The following SLC25A51 variants were observed in gnomAD, a reference collection of about 807,000 sequenced individuals.
SLC25A51 encodes the protein mitochondrial nicotinamide adenine dinucleotide transporter SLC25A51.
SLC25A51 carries 11 observed loss-of-function variants against 19.1 expected under a neutral mutation model. That is an observed-to-expected ratio of 0.58 (90% CI 0.36 to 0.96). The LOEUF is 0.96. Among genes scored for constraint, SLC25A51 ranks in the 40% least tolerant of loss-of-function variants. SLC25A51 has a pLI of 0.01. For missense variants in SLC25A51, 201 were observed against 365.4 expected (o/e 0.55, Z 3.67); for synonymous variants, 105 against 133.6 (o/e 0.79, Z 1.47).
At chr9:37,891,609 A>C (rs1831588018) in intron 2 of SLC25A51, among the ~76,000 whole-genome samples, 1 of 152,122 alleles carries the variant, frequency 6.6e-6, no homozygotes, top group African/African-American at 2.4e-5. Flanking sequence ...GGTTAAATGG[A>C]TTAAGGGCGG....
chr9:37,887,038 C>T (rs968634639), downstream of SLC25A51, among the ~76,000 whole-genome samples: 20 of 145,466 alleles, frequency 1.4e-4, no homozygotes, highest in African/African-American at 3.6e-4. Context: ...TGGGCGTAGC[C>T]GGGCACAGTG....
At chr9:37,902,440 C>G (rs1564072900) in intron 1 of SLC25A51, among the ~76,000 whole-genome samples, 1 of 152,174 alleles carries the variant, frequency 6.6e-6, no homozygotes, top group Non-Finnish European at 1.5e-5. Flanking sequence ...ATGAAACCCT[C>G]CTGGACTTTA....
At chr9:37,898,153 G>C (rs1310578039) in intron 2 of SLC25A51, among the ~76,000 whole-genome samples, 1 of 152,206 alleles carries the variant, frequency 6.6e-6, no homozygotes, top group Non-Finnish European at 1.5e-5. Flanking sequence ...GTTTACACCT[G>C]TAATCCCAGC....
At chr9:37,885,880 C>CA (rs200482049), downstream of SLC25A51, 4,289 of 1,593,556 alleles carry the variant, frequency 2.7e-3, 109 homozygotes, top group African/African-American at 0.051. Context: ...ACGTGCAAAC[C>CA]CCCCCCTCCC....
chr9:37,894,837 A>G (rs111427222), intron 2 of SLC25A51, among the ~76,000 whole-genome samples: 1,683 of 152,188 alleles, frequency 0.011, 37 homozygotes, highest in African/African-American at 0.039. Context: ...AGTTCACATC[A>G]TTTAGCTTCC....
In SLC25A51 at chr9:37,891,347, C is replaced by G. The variant is rs567733194; in HGVS notation, c.-42-2755G>C. Among the ~76,000 whole-genome samples, 486 of 152,298 alleles carry G rather than the reference C, an allele frequency of 3.2e-3. 5 individuals are homozygous for G. The highest frequency in any genetic ancestry group is 0.011 in the African/African-American group (469 of 41,558). On this transcript the variant is annotated intron_variant, in intron 2 of 2. Transcript: ENST00000242275. Reference sequence around the variant, plus strand: ...CCCCTCTGCCCGGCCGCCACCCTGTCTGGGAGGTGTACCCAACAGCTCATT... The same window carrying G: ...CCCCTCTGCCCGGCCGCCACCCTGTGTGGGAGGTGTACCCAACAGCTCATT...
At chr9:37,880,407 C>T (rs1018977182) in exon 4 of SLC25A51, 1 of 151,876 alleles carries the variant, frequency 6.6e-6, no homozygotes, top group Non-Finnish European at 1.5e-5. Flanking sequence ...ACTTTAAAAT[C>T]ACATATACTC....
At position 37,902,650 on chromosome 9, in the gene SLC25A51, AT is replaced by A. The variant is rs1587175542; in HGVS notation, c.-165+1417del. Among the ~76,000 whole-genome samples, 5 of 152,326 alleles carry A rather than the reference AT, an allele frequency of 3.3e-5. No homozygotes were observed. The South Asian group carries it at 1.0e-3, about 32-fold the overall frequency. On this transcript the variant is annotated intron_variant, in intron 1 of 2. Coordinates refer to ENST00000242275, the MANE Select transcript of SLC25A51 (RefSeq NM_033412.4). ...ATATTTTTATTCATTAATGTGGATAATTCTTTGCAATTTATTGCAAAATTTA... is the reference window on the plus strand; with the variant it reads ...ATATTTTTATTCATTAATGTGGATAATCTTTGCAATTTATTGCAAAATTTA...
intron 1 of SLC25A51, among the ~76,000 whole-genome samples, chr9:37,901,383 GTC>G (rs1319380018): frequency 6.6e-6 from 1 of 152,066 alleles, no homozygotes; most frequent in African/African-American, 2.4e-5. Flanking sequence ...AGCCAGGCTG[GTC>G]TCAAACTCCT....
downstream of SLC25A51, chr9:37,878,467 T>C (rs1003153355): frequency 4.0e-5 from 8 of 200,796 alleles, no homozygotes; most frequent in Non-Finnish European, 9.2e-5. Context: ...GATGTGAGTT[T>C]TGCCCACCTA....
downstream of SLC25A51, among the ~76,000 whole-genome samples, chr9:37,883,323 T>C (rs980292027): frequency 3.3e-5 from 5 of 152,346 alleles, no homozygotes; most frequent in African/African-American, 4.8e-5. Flanking sequence ...TCCCTGGTAA[T>C]GTATTTGCAG....
At chr9:37,884,969 T>C (rs773679722), downstream of SLC25A51, among the ~76,000 whole-genome samples, 1 of 152,228 alleles carries the variant, frequency 6.6e-6, no homozygotes, top group Non-Finnish European at 1.5e-5. Context: ...AGAAATAGTA[T>C]AATGCCTATC....
intron 2 of SLC25A51, among the ~76,000 whole-genome samples, chr9:37,882,006 A>G (rs1374681681): frequency 6.6e-6 from 1 of 152,204 alleles, no homozygotes; most frequent in Non-Finnish European, 1.5e-5. Context: ...CTATCAAACA[A>G]AAATAGCATT....
downstream of SLC25A51, among the ~76,000 whole-genome samples, chr9:37,887,118 C>T (rs530596913): frequency 6.6e-6 from 1 of 152,076 alleles, no homozygotes; most frequent in Non-Finnish European, 1.5e-5. Flanking sequence ...GGTTCGAGAC[C>T]AGCCTGACCA....
downstream of SLC25A51, chr9:37,886,023 C>G: frequency 1.2e-6 from 2 of 1,613,656 alleles, no homozygotes; most frequent in Non-Finnish European, 1.7e-6. Context: ...TCATTTGCCC[C>G]TATCTATGCT....
At chr9:37,886,021 C>T, downstream of SLC25A51, 1 of 1,613,598 alleles carries the variant, frequency 6.2e-7, no homozygotes, top group South Asian at 1.1e-5. Flanking sequence ...AATCATTTGC[C>T]CCTATCTATG....
chr9:37,896,245 C>T (rs1258254611), intron 2 of SLC25A51, among the ~76,000 whole-genome samples: 2 of 152,078 alleles, frequency 1.3e-5, no homozygotes, highest in Non-Finnish European at 2.9e-5. Context: ...TACCCACGGG[C>T]GTTTGCGTTT....
chr9:37,891,897 TTAAA>T (rs1320849038), intron 2 of SLC25A51, among the ~76,000 whole-genome samples: 2 of 120,476 alleles, frequency 1.7e-5, no homozygotes, highest in African/African-American at 6.6e-5. Flanking sequence ...CACAACTACT[TTAAA>T]AAAAAAAAAA....
intron 2 of SLC25A51, among the ~76,000 whole-genome samples, chr9:37,898,858 C>T (rs1831780760): frequency 1.3e-5 from 2 of 152,176 alleles, no homozygotes; most frequent in South Asian, 2.1e-4. Context: ...TCCACACCTT[C>T]CCACCGCCAA....
Sources: allele counts gnomAD v4.1 joint callset (sites outside exome capture counted in the v4.1 genomes callset), GRCh38; gene constraint gnomAD v4.1.1; transcripts MANE v1.5; gene names NCBI Gene and HGNC (gene_info 2026-07-23, HGNC 2026-07-21).